The following ESRRG variants were observed in gnomAD, a reference collection of about 807,000 sequenced individuals.
The protein encoded by ESRRG is estrogen-related receptor gamma.
In ESRRG, 13 loss-of-function variants were observed where a neutral mutation model predicts 44.0. The observed-to-expected ratio is 0.30, with a 90% CI of 0.19 to 0.47. ESRRG has a LOEUF of 0.47. ESRRG is among the 20% of genes least tolerant of loss of function. The probability of loss-of-function intolerance (pLI) is 1.00; values close to 1 mark genes in which losing one functional copy is unlikely to be tolerated. For synonymous variants in ESRRG, 215 were observed against 214.6 expected (o/e 1.00, Z -0.02); for missense variants, 395 against 580.6 (o/e 0.68, Z 3.29).
At chr1:216,610,675 T>C (rs2060525564) in intron 3 of ESRRG, among the ~76,000 whole-genome samples, 1 of 151,000 alleles carries the variant, frequency 6.6e-6, no homozygotes, top group Non-Finnish European at 1.5e-5. Context: ...AAGAAAAAAA[T>C]TGTGTGTGTG....
chr1:216,988,277 G>A (rs2150477861), intron 1 of ESRRG, among the ~76,000 whole-genome samples: 1 of 152,292 alleles, frequency 6.6e-6, no homozygotes, highest in South Asian at 2.1e-4. Flanking sequence ...CCCTGAATGT[G>A]ACATTTGAGG....
At chr1:216,605,827 T>C (rs1267333251) in intron 3 of ESRRG, among the ~76,000 whole-genome samples, 1 of 150,704 alleles carries the variant, frequency 6.6e-6, no homozygotes, top group Non-Finnish European at 1.5e-5. Context: ...TTCATCCTTA[T>C]GCACCCAATC....
intron 2 of ESRRG, among the ~76,000 whole-genome samples, chr1:216,801,060 G>A (rs979148845): frequency 9.2e-5 from 14 of 151,920 alleles, no homozygotes; most frequent in African/African-American, 3.1e-4. Flanking sequence ...TACCATAATG[G>A]AGCAAATTAA....
rs552658560 is a variant in ESRRG, at chr1:216,902,561, G to A, written c.-14+37021C>T. Among the ~76,000 whole-genome samples the A allele has an allele frequency of 1.5e-4, 23 of 151,848 alleles. No homozygotes were observed. In the South Asian group the frequency reaches 4.6e-3, roughly 30 times the overall value. On this transcript the variant is annotated intron_variant, in intron 2 of 7. Transcript: ENST00000359162. ...TGACAAAAGAGAGGAGAGAAACCAC[G>A]AAGTCTCTTCTGTTCATGCTCCCAC...
At chr1:216,907,958 T>C (rs1159902354) in intron 2 of ESRRG, among the ~76,000 whole-genome samples, 2 of 152,010 alleles carry the variant, frequency 1.3e-5, no homozygotes, top group Non-Finnish European at 2.9e-5. Flanking sequence ...TATGTCTATT[T>C]TTATTAAGAT....
intron 1 of ESRRG, among the ~76,000 whole-genome samples, chr1:216,985,492 G>C (rs1000477888): frequency 1.3e-5 from 2 of 152,156 alleles, no homozygotes; most frequent in African/African-American, 4.8e-5. Flanking sequence ...ATATCTCCCT[G>C]TGCTGGACTA....
At chr1:217,000,306 T>G (rs11117745) in intron 1 of ESRRG, 90,042 of 152,062 alleles carry the variant, frequency 0.59, 27,581 homozygotes, top group Non-Finnish European at 0.67. Context: ...TGATTCCTTT[T>G]GTAGGCTATG....
chr1:216,591,081 A>G (rs2057582696), intron 3 of ESRRG, among the ~76,000 whole-genome samples: 1 of 152,026 alleles, frequency 6.6e-6, no homozygotes, highest in South Asian at 2.1e-4. Context: ...TTTTTTCTAA[A>G]GAATTGACTC....
intron 5 of ESRRG, among the ~76,000 whole-genome samples, chr1:216,532,634 G>A (rs2049730896): frequency 6.6e-6 from 1 of 152,112 alleles, no homozygotes; most frequent in Non-Finnish European, 1.5e-5. Context: ...AAGAATGACA[G>A]CAGATCAGAA....
At chr1:216,548,299 T>C (rs2055180247) in intron 5 of ESRRG, among the ~76,000 whole-genome samples, 1 of 152,098 alleles carries the variant, frequency 6.6e-6, no homozygotes, top group South Asian at 2.1e-4. Context: ...CAAAAATTTG[T>C]CTTGACCTCT....
chr1:216,623,077 C>CATTTTT (rs2062545745), intron 3 of ESRRG, among the ~76,000 whole-genome samples: 1 of 88,660 alleles, frequency 1.1e-5, no homozygotes, highest in African/African-American at 4.5e-5. Flanking sequence ...AATCATTAAA[C>CATTTTT]TTTTTTTTTT....
At chr1:217,019,103 T>C (rs891997693) in intron 1 of ESRRG, among the ~76,000 whole-genome samples, 1 of 152,206 alleles carries the variant, frequency 6.6e-6, no homozygotes, top group Non-Finnish European at 1.5e-5. Flanking sequence ...CTTTTATTTC[T>C]CAGATAAAAT....
intron 2 of ESRRG, among the ~76,000 whole-genome samples, chr1:216,890,074 G>C (rs916762297): frequency 2.0e-5 from 3 of 151,920 alleles, no homozygotes; most frequent in Middle Eastern, 3.2e-3. Context: ...AGACCAGCTT[G>C]GGGAACATGG....
intron 1 of ESRRG, among the ~76,000 whole-genome samples, chr1:217,137,070 G>A (rs117068884): frequency 1.3e-5 from 2 of 152,164 alleles, no homozygotes; most frequent in African/African-American, 4.8e-5. Context: ...GTAGCTGGGG[G>A]GGAGGGAGCC....
intron 6 of ESRRG, among the ~76,000 whole-genome samples, chr1:216,516,668 C>CACACACAGAG (rs376701865): frequency 5.0e-4 from 69 of 137,244 alleles, no homozygotes; most frequent in African/African-American, 1.8e-3. Flanking sequence ...CACACACACA[C>CACACACAGAG]AGAGAGAGAG....
chr1:216,675,927 G>C (rs2076027985), intron 2 of ESRRG, among the ~76,000 whole-genome samples: 1 of 152,090 alleles, frequency 6.6e-6, no homozygotes, highest in South Asian at 2.1e-4. Flanking sequence ...CAGAATTTGG[G>C]GACATGAGCC....
At chr1:217,018,322 A>AT (rs56212479) in intron 1 of ESRRG, among the ~76,000 whole-genome samples, 113 of 152,268 alleles carry the variant, frequency 7.4e-4, no homozygotes, top group Non-Finnish European at 1.4e-3. Flanking sequence ...CCCAAATATG[A>AT]TGACAGTCTC....
At chr1:216,944,334 A>G (rs2065738228) in intron 1 of ESRRG, among the ~76,000 whole-genome samples, 2 of 152,178 alleles carry the variant, frequency 1.3e-5, no homozygotes, top group East Asian at 1.9e-4. Context: ...TTTGCCAATC[A>G]TTTTCCTTCC....
At position 216,946,155 on chromosome 1, in the gene ESRRG, C is replaced by G. The variant is rs577286383; in HGVS notation, c.-105-6482G>C. 5.8e-4 allele frequency among the ~76,000 whole-genome samples: 88 copies of G among 152,214 alleles called. 1 individual carries two copies. Among genetic ancestry groups the G allele is most frequent in the African/African-American group, 1.7e-3 (69 of 41,538 alleles). On this transcript the variant is annotated intron_variant, in intron 1 of 7. Transcript: ENST00000359162. ...AAAATAAACCAGTACTAACTAGAAC[C>G]AAGAAATCAGAGATCTAATTCATCT...
Sources: allele counts gnomAD v4.1 joint callset (sites outside exome capture counted in the v4.1 genomes callset), GRCh38; gene constraint gnomAD v4.1.1; transcripts MANE v1.5; gene names NCBI Gene and HGNC (gene_info 2026-07-23, HGNC 2026-07-21).